The following TTL variants were observed in gnomAD, a reference collection of about 807,000 sequenced individuals.
TTL encodes the protein tubulin--tyrosine ligase.
TTL carries 10 observed loss-of-function variants against 41.1 expected under a neutral mutation model. The ratio of observed to expected loss-of-function variants is 0.24; its 90% confidence interval spans 0.15 to 0.41. The LOEUF is 0.41. TTL is among the 10% of genes least tolerant of loss of function. The pLI is 1.00. For synonymous variants in TTL, 175 were observed against 175.5 expected (o/e 1.00, Z 0.02); for missense variants, 367 against 460.4 (o/e 0.80, Z 1.86).
At chr2:112,514,839 T>C (rs1490854658) in intron 5 of TTL, among the ~76,000 whole-genome samples, 2 of 152,346 alleles carry the variant, frequency 1.3e-5, no homozygotes, top group Middle Eastern at 3.4e-3. Flanking sequence ...AATTACATGA[T>C]TGTTAATGCT....
In TTL at chr2:112,541,682, A is replaced by G. The variant is rs1682750973; in HGVS notation, c.*12887A>G. On this transcript the variant is annotated 3_prime_UTR_variant, in exon 7 of 7. Coordinates refer to ENST00000233336, the MANE Select transcript of TTL (RefSeq NM_153712.5). Reference sequence around the variant, plus strand: ...ACACTTTAAATGTGTGGTTTATTGTATGCCAGTTATAACGCAATATAGCTG... The same window carrying G: ...ACACTTTAAATGTGTGGTTTATTGTGTGCCAGTTATAACGCAATATAGCTG... 5.1e-6 allele frequency: 1 copy of G among 194,910 alleles called. No homozygotes were observed. The highest frequency in any genetic ancestry group is 2.4e-5 in the African/African-American group (1 of 42,292). 12.1% of individuals were successfully genotyped at this position (194,910 alleles called of 1,614,324 possible).
chr2:112,506,734 T>C (rs1235188052), intron 5 of TTL, among the ~76,000 whole-genome samples: 1 of 31,918 alleles, frequency 3.1e-5, no homozygotes, highest in Non-Finnish European at 5.4e-5. Context: ...TTGCTAGCGG[T>C]CTATCAATTT....
chr2:112,492,897 AAAAAAT>A (rs1681427948), intron 2 of TTL, among the ~76,000 whole-genome samples: 1 of 152,180 alleles, frequency 6.6e-6, no homozygotes, highest in South Asian at 2.1e-4. Context: ...TCTCAAATAA[AAAAAAT>A]AAAAATAAAA....
At chr2:112,502,761 G>A in intron 4 of TTL, 151 bp from the exon 5 acceptor site, 1 of 631,734 alleles carries the variant, frequency 1.6e-6, no homozygotes, top group Non-Finnish European at 2.6e-6. Context: ...ATCATAACAT[G>A]CCTCTTATAG....
In TTL at chr2:112,535,054, TGAGAAAGAAAAAA is replaced by T. The variant is rs1682575081; in HGVS notation, c.*6269_*6281del. On this transcript the variant is annotated 3_prime_UTR_variant, in exon 7 of 7. Transcript: ENST00000233336. ...GAGGGAGGGAAGAAAAGAGAAAGAT[TGAGAAAGAAAAAA>T]GAGAAAGAAGAAAGAAAAGAAAAAA... is the stretch of plus-strand genomic sequence containing the variant. The T allele has an allele frequency of 4.3e-5, 6 of 138,762 alleles. No homozygotes were observed. The highest frequency in any genetic ancestry group is 2.3e-4 in the South Asian group (1 of 4,280). 8.6% of individuals were successfully genotyped at this position (138,762 alleles called of 1,614,324 possible).
chr2:112,498,200 G>T (rs2104455404), intron 3 of TTL, among the ~76,000 whole-genome samples: 1 of 152,198 alleles, frequency 6.6e-6, no homozygotes, highest in Non-Finnish European at 1.5e-5. Context: ...GCAGTCACCT[G>T]TAATCCCTGT....
At chr2:112,488,484 G>A (rs541243365) in intron 2 of TTL, among the ~76,000 whole-genome samples, 2 of 152,288 alleles carry the variant, frequency 1.3e-5, no homozygotes, top group Admixed American at 6.5e-5. Flanking sequence ...CAAGCCGGGC[G>A]TGGTGGCTCA....
rs531403084 is a variant in TTL, at chr2:112,529,918, A to C, written c.*1123A>C. 44 of 225,052 alleles carry C rather than the reference A, an allele frequency of 2.0e-4. No homozygotes were observed. The highest frequency in any genetic ancestry group is 2.3e-4 in the Non-Finnish European group (26 of 112,864). The allele number at this position is 225,052 out of a possible 1,614,324, so 13.9% of individuals were successfully genotyped here. ...ACACAGTGTCTTGTAAATCTCAACA[A>C]ATGTGTACTGTTAGAAGTGGCTTCC... On this transcript the variant is annotated 3_prime_UTR_variant, in exon 7 of 7. Transcript: ENST00000233336.
At chr2:112,488,162 C>T (rs1431532519) in intron 2 of TTL, among the ~76,000 whole-genome samples, 1 of 152,194 alleles carries the variant, frequency 6.6e-6, no homozygotes, top group Non-Finnish European at 1.5e-5. Context: ...AGGCCATAGT[C>T]TTAGAACCCT....
intron 5 of TTL, among the ~76,000 whole-genome samples, chr2:112,516,955 G>A (rs1024940956): frequency 4.6e-5 from 7 of 151,948 alleles, no homozygotes; most frequent in African/African-American, 1.2e-4. Flanking sequence ...GGAAGTTTGC[G>A]GCATCCTTTC....
chr2:112,527,913 G>A (rs1019526401), intron 6 of TTL, among the ~76,000 whole-genome samples: 1 of 152,146 alleles, frequency 6.6e-6, no homozygotes, highest in African/African-American at 2.4e-5. Flanking sequence ...AGCATCTATG[G>A]TCTTTACAGT....
In TTL at chr2:112,482,648, GAT is replaced by G; in HGVS notation, c.157+148_157+149del. 3.2e-6 allele frequency: 3 copies of G among 924,318 alleles called. No homozygotes were observed. Among genetic ancestry groups the G allele is most frequent in the Non-Finnish European group, 4.6e-6 (3 of 650,072 alleles). The allele number at this position is 924,318 out of a possible 1,614,324, so 57.3% of individuals were successfully genotyped here. The stretch of plus-strand genomic sequence containing the variant: ...GGCACATCAGAAACGGATTCGGAAA[GAT>G]CGAAACCTGTCGTTTTTAATGCTTT... On this transcript the variant is annotated intron_variant, in intron 1 of 6. Coordinates refer to ENST00000233336, the MANE Select transcript of TTL (RefSeq NM_153712.5). The surrounding 1 kb of genome is among the most constrained non-coding windows in gnomAD (Gnocchi z 5.3).
At chr2:112,510,479 T>C (rs1681892858) in intron 5 of TTL, among the ~76,000 whole-genome samples, 1 of 149,948 alleles carries the variant, frequency 6.7e-6, no homozygotes, top group Non-Finnish European at 1.5e-5. Flanking sequence ...AGATATTTCT[T>C]TTTTTTTTTG....
intron 5 of TTL, 87 bp from the exon 6 acceptor site, chr2:112,520,195 T>G: frequency 7.5e-7 from 1 of 1,327,596 alleles, no homozygotes; most frequent in South Asian, 1.3e-5. Context: ...TGTATTCATC[T>G]CATATAAAAT....
At position 112,520,488 on chromosome 2, in the gene TTL, G is replaced by A; in HGVS notation, c.1019+63G>A. The A allele has an allele frequency of 7.6e-6, 12 of 1,587,868 alleles. No individual in the cohort carries two copies. In the Admixed American group the frequency reaches 2.1e-4, roughly 28 times the overall value. On this transcript the variant is annotated intron_variant, in intron 6 of 6. Transcript: ENST00000233336. ...GTTGGTTCTGCAGTTGGGATAGTCTGTGGGTACAAGTGTAGTCACTTTGAC... is the reference window on the plus strand; with the variant it reads ...GTTGGTTCTGCAGTTGGGATAGTCTATGGGTACAAGTGTAGTCACTTTGAC...
chr2:112,538,936 T>C lies in TTL; in HGVS notation c.*10141T>C, dbSNP rs1011869454. ...ATCAAGACCATCCTGGCTAATATGG[T>C]GAAACCCCGTCTCCACTAAAAATAC... On this transcript the variant is annotated 3_prime_UTR_variant, in exon 7 of 7. Transcript: ENST00000233336. The C allele has an allele frequency of 6.6e-6, 1 of 151,226 alleles. No individual in the cohort carries two copies. Among genetic ancestry groups the C allele is most frequent in the Non-Finnish European group, 1.5e-5 (1 of 67,924 alleles). 9.4% of individuals were successfully genotyped at this position (151,226 alleles called of 1,614,324 possible).
chr2:112,510,141 G>GT (rs1188300882), intron 5 of TTL, among the ~76,000 whole-genome samples: 2 of 151,992 alleles, frequency 1.3e-5, no homozygotes, highest in Non-Finnish European at 1.5e-5. Context: ...CTTTTTGTTT[G>GT]TTTTTTAAGA....
At chr2:112,523,199 G>A (rs1235325468) in intron 6 of TTL, among the ~76,000 whole-genome samples, 6 of 152,124 alleles carry the variant, frequency 3.9e-5, no homozygotes, top group African/African-American at 1.4e-4. Context: ...ACCGTGGCTG[G>A]CTTCTTCTTT....
intron 5 of TTL, among the ~76,000 whole-genome samples, chr2:112,512,643 C>T (rs7601108): frequency 0.067 from 10,152 of 151,292 alleles, 591 homozygotes; most frequent in East Asian, 0.29. Flanking sequence ...GTGATCCACC[C>T]GCCTCAGCCT....
Sources: gnomAD v4.1 joint callset for allele counts (sites outside exome capture counted in the v4.1 genomes callset) on GRCh38, gnomAD v4.1.1 for gene constraint, Gnocchi (gnomAD v3.1) non-coding constraint, MANE v1.5 for transcripts, NCBI Gene and HGNC (gene_info 2026-07-23, HGNC 2026-07-21) for gene names.